The following ALDH1A1 variants were observed in gnomAD, a reference collection of about 807,000 sequenced individuals.
ALDH1A1 encodes the protein aldehyde dehydrogenase 1A1.
Under a neutral mutation model 62.1 loss-of-function variants are expected in ALDH1A1, and 19 were observed. That is an observed-to-expected ratio of 0.31 (90% confidence interval 0.21 to 0.45). The LOEUF is 0.45. ALDH1A1 is among the 20% of genes least tolerant of loss of function. The pLI, the probability that ALDH1A1 is intolerant of heterozygous loss-of-function variation, is 1.00. For missense variants in ALDH1A1, 521 were observed against 607.1 expected, an observed-to-expected ratio of 0.86 and a Z score of 1.49; for synonymous variants, 231 against 215.9, an observed-to-expected ratio of 1.07 and a Z score of -0.61.
chr9:72,952,859 A>C, intron 1 of ALDH1A1, 76 bp downstream of exon 1: 1 of 1,531,566 alleles, frequency 6.5e-7, no homozygotes, highest in South Asian at 1.2e-5. Flanking sequence ...AGTTTACTTA[A>C]ATTGACCTTT....
chr9:72,908,888 C>G (rs377702969), intron 11 of ALDH1A1, among the ~76,000 whole-genome samples: 1 of 152,042 alleles, frequency 6.6e-6, no homozygotes, highest in East Asian at 1.9e-4. Context: ...CTTCAAAATT[C>G]AATCTTTCAA....
At chr9:72,904,191 C>G (rs900618218) in intron 12 of ALDH1A1, among the ~76,000 whole-genome samples, 1 of 152,054 alleles carries the variant, frequency 6.6e-6, no homozygotes, top group African/African-American at 2.4e-5. Context: ...AATTAGGAAT[C>G]AAATTCAGCT....
At chr9:72,952,313 C>T (rs536059926) in intron 1 of ALDH1A1, among the ~76,000 whole-genome samples, 1 of 152,042 alleles carries the variant, frequency 6.6e-6, no homozygotes, top group Admixed American at 6.6e-5. Flanking sequence ...CTAGCTCCTG[C>T]TCTTGTTTCT....
rs779006171 is a variant in ALDH1A1 at position 72,912,024 on chromosome 9, T to G, written c.1134A>C (p.Lys378Asn). Residue 378 changes from lysine (K) to asparagine (N), a missense_variant, in exon 10 of 13, where the codon AAA becomes AAC. Physicochemically the swap from Lys to Asn is moderately conservative, Grantham distance 94. Transcript: ENST00000297785. Reference sequence around the variant, plus strand: ...ACACTGTGGGCTGGACAAAGTAGCCTTTATTCCCCCACGGGCCTCCTCCAC... The same window carrying G: ...ACACTGTGGGCTGGACAAAGTAGCCGTTATTCCCCCACGGGCCTCCTCCAC... ...LECGGGPWGN[K>N]GYFVQPTVFS... is the part of the protein sequence containing the mutation. 2 of 1,613,984 alleles carry G rather than the reference T, an allele frequency of 1.2e-6. No individual in the cohort carries two copies. The highest frequency in any genetic ancestry group is 1.7e-6 in the Non-Finnish European group (2 of 1,179,910).
chr9:72,919,224 T>C (rs910551840), intron 7 of ALDH1A1, among the ~76,000 whole-genome samples: 2 of 152,192 alleles, frequency 1.3e-5, no homozygotes, highest in African/African-American at 4.8e-5. Flanking sequence ...TTAATTTTAA[T>C]CAGAATATCA....
Position 72,923,877 on chromosome 9 carries a change from T to C in ALDH1A1, c.747+142A>G, listed in dbSNP as rs920410487. 1.8e-5 allele frequency: 10 copies of C among 553,704 alleles called. No individual in the cohort carries two copies. The African/African-American group carries it at 2.0e-4, about 11-fold the overall frequency. The allele number at this position is 553,704 out of a possible 1,614,324, so 34.3% of individuals were successfully genotyped here. ...TACATCTGCTTATATTCTATCCATA[T>C]GTTTGAAGGCTAAAATAAGTAACAA... On this transcript the variant is annotated intron_variant, in intron 7 of 12. Coordinates refer to ENST00000297785, the MANE Select transcript of ALDH1A1 (RefSeq NM_000689.5).
chr9:72,939,049 A>G (rs1301573250), intron 2 of ALDH1A1, among the ~76,000 whole-genome samples: 1 of 151,966 alleles, frequency 6.6e-6, no homozygotes, highest in Admixed American at 6.6e-5. Context: ...GGCCAACCCT[A>G]TCTTACTTTC....
Position 72,919,435 on chromosome 9 carries a change from C to G in ALDH1A1, c.748-613G>C, listed in dbSNP as rs547943499. 9.1e-4 allele frequency among the ~76,000 whole-genome samples: 138 copies of G among 152,292 alleles called. 1 individual carries two copies. The highest frequency in any genetic ancestry group is 3.1e-3 in the African/African-American group (128 of 41,548). Reference sequence around the variant, plus strand: ...TTCTATTTTTCTTAGGGGTCCAGCTCATATCTTAGCTTCTCCTTAAATCCT... The same window carrying G: ...TTCTATTTTTCTTAGGGGTCCAGCTGATATCTTAGCTTCTCCTTAAATCCT... On this transcript the variant is annotated intron_variant, in intron 7 of 12. Coordinates refer to ENST00000297785, the MANE Select transcript of ALDH1A1 (RefSeq NM_000689.5).
intron 7 of ALDH1A1, among the ~76,000 whole-genome samples, chr9:72,921,991 C>A (rs769985278): frequency 6.6e-6 from 1 of 151,804 alleles, no homozygotes; most frequent in African/African-American, 2.4e-5. Flanking sequence ...GAACTAAAAG[C>A]CTGGGGGAAT....
In ALDH1A1 at chr9:72,952,997, A is replaced by G; in HGVS notation, c.4T>C (p.Ser2Pro). The change falls in exon 1 of 13, where the codon TCA becomes CCA. Residue 2 changes from serine (S) to proline (P), a missense_variant. Ser to Pro is a moderately conservative substitution (Grantham distance 74, BLOSUM62 -1). Coordinates refer to ENST00000297785, the MANE Select transcript of ALDH1A1 (RefSeq NM_000689.5). ...GGTAAGTCTGGCGTGCCTGAGGATG[A>G]CATTTCTGATTCGGCTCCTGGAACA... M[S>P]SSGTPDLPVL... 3 of 1,613,144 alleles carry G rather than the reference A, an allele frequency of 1.9e-6. No individual in the cohort carries two copies. The highest frequency in any genetic ancestry group is 2.5e-6 in the Non-Finnish European group (3 of 1,179,334).
intron 1 of ALDH1A1, among the ~76,000 whole-genome samples, chr9:72,941,020 TGA>T (rs1830408273): frequency 6.6e-6 from 1 of 152,166 alleles, no homozygotes; most frequent in African/African-American, 2.4e-5. Flanking sequence ...TGTCTTTTCT[TGA>T]GGAGCCAGCT....
chr9:72,925,665 C>A, intron 5 of ALDH1A1, 53 bp from the exon 6 acceptor site: 1 of 1,579,106 alleles, frequency 6.3e-7, no homozygotes, highest in Non-Finnish European at 8.6e-7. Context: ...GGCATATTTG[C>A]TAATCCAACT....
chr9:72,927,496 A>C (rs531437928), intron 4 of ALDH1A1, among the ~76,000 whole-genome samples: 68 of 152,306 alleles, frequency 4.5e-4, no homozygotes, highest in African/African-American at 1.6e-3. Flanking sequence ...AAAATCTGAA[A>C]GATAATTAAT....
chr9:72,921,169 C>T (rs1830137203), intron 7 of ALDH1A1, among the ~76,000 whole-genome samples: 2 of 151,290 alleles, frequency 1.3e-5, no homozygotes, highest in Admixed American at 6.6e-5. Flanking sequence ...ATGGCATGAA[C>T]CACGGAGGTG....
chr9:72,920,588 C>T (rs1429521804), intron 7 of ALDH1A1, among the ~76,000 whole-genome samples: 2 of 152,088 alleles, frequency 1.3e-5, no homozygotes, highest in Non-Finnish European at 2.9e-5. Context: ...AAGCTACAAA[C>T]GTCAAAAGAA....
At chr9:72,940,605 C>G (rs2118568044) in intron 1 of ALDH1A1, among the ~76,000 whole-genome samples, 1 of 152,264 alleles carries the variant, frequency 6.6e-6, no homozygotes, top group African/African-American at 2.4e-5. Context: ...CTATTTTCCA[C>G]TTTAAATTCT....
intron 1 of ALDH1A1, among the ~76,000 whole-genome samples, chr9:72,943,009 G>A (rs1343500632): frequency 2.6e-5 from 4 of 152,022 alleles, no homozygotes; most frequent in African/African-American, 4.8e-5. Context: ...GATACCTGCC[G>A]TAGACTTTTA....
chr9:72,904,913 T>C (rs1829856778), intron 12 of ALDH1A1, among the ~76,000 whole-genome samples: 2 of 152,170 alleles, frequency 1.3e-5, no homozygotes, highest in African/African-American at 4.8e-5. Flanking sequence ...GTCATGTCTC[T>C]GGGGTTCCTA....
Position 72,934,225 on chromosome 9 carries a change from T to C in ALDH1A1, c.172-3206A>G, listed in dbSNP as rs553739370. On this transcript the variant is annotated intron_variant, in intron 2 of 12. Transcript: ENST00000297785. ...GCACACAGGGATTATAGGTGTGTATTGCTGCACCTAGCAAGTTCTAATGTA... is the reference window on the plus strand; with the variant it reads ...GCACACAGGGATTATAGGTGTGTATCGCTGCACCTAGCAAGTTCTAATGTA... Among the ~76,000 whole-genome samples, 14 of 152,288 alleles carry C rather than the reference T, an allele frequency of 9.2e-5. No individual in the cohort carries two copies. In the East Asian group the frequency reaches 2.5e-3, roughly 27 times the overall value.
Sources: allele counts gnomAD v4.1 joint callset (sites outside exome capture counted in the v4.1 genomes callset), GRCh38; gene constraint gnomAD v4.1.1; transcripts MANE v1.5; gene names NCBI Gene and HGNC (gene_info 2026-07-23, HGNC 2026-07-21).